GRK1: variants seen among roughly 807,000 people sequenced by gnomAD.
The protein encoded by GRK1 is G protein-coupled receptor kinase 1, also known as rhodopsin kinase GRK1.
A neutral mutation model predicts 41.7 loss-of-function variants in GRK1; 28 were observed. The ratio of observed to expected loss-of-function variants is 0.67; its 90% CI spans 0.50 to 0.92. The LOEUF (loss-of-function observed/expected upper bound fraction) is 0.92, where lower values mean the gene tolerates loss of function less well. Among genes scored for constraint, GRK1 ranks in the 40% least tolerant of loss-of-function variants. GRK1 has a pLI of 0.00. For synonymous variants in GRK1, 327 were observed against 286.7 expected, an observed-to-expected ratio of 1.14 and a Z score of -1.42; for missense variants, 703 against 671.2, an observed-to-expected ratio of 1.05 and a Z score of -0.52.
Position 113,731,331 on chromosome 13 carries a change from C to T in GRK1, c.1182C>T (p.Ala394=). The T allele has an allele frequency of 6.5e-7, 1 of 1,536,906 alleles. No individual in the cohort carries two copies. Among genetic ancestry groups the T allele is most frequent in the Non-Finnish European group, 8.7e-7 (1 of 1,146,832 alleles). The change falls in exon 5 of 7, where the codon GCC becomes GCT. Residue 394 remains alanine, a synonymous_variant. Transcript: ENST00000335678. The surrounding 1 kb of genome is among the most constrained non-coding windows in gnomAD (Gnocchi z 5.6). ...EMIAARGPFR[A]RGEKVENKEL... is the part of the protein sequence containing the mutation. The stretch of plus-strand genomic sequence containing the variant: ...TTGCGGCCAGAGGACCCTTCCGAGC[C>T]CGTGGAGAGAAGGTAGGAGGCGGCC...
chr13:113,663,668 C>G, upstream of GRK1, among the ~76,000 whole-genome samples: 1 of 152,148 alleles, frequency 6.6e-6, no homozygotes, highest in Non-Finnish European at 1.5e-5. Flanking sequence ...ACATTTCACC[C>G]AAGAGCACGC....
At chr13:113,733,484 TGC>T (rs934158120) in intron 6 of GRK1, among the ~76,000 whole-genome samples, 16 of 152,092 alleles carry the variant, frequency 1.1e-4, no homozygotes, top group East Asian at 1.9e-4. Flanking sequence ...AGATACTATG[TGC>T]GCGCGTGTGT....
At chr13:113,734,230 G>T (rs750638402) in intron 6 of GRK1, among the ~76,000 whole-genome samples, 1 of 152,202 alleles carries the variant, frequency 6.6e-6, no homozygotes, top group Non-Finnish European at 1.5e-5. Context: ...ACGAGAAGTC[G>T]CTTTCGTATG....
rs371779069 is a variant in GRK1, at chr13:113,735,279, G to C, written c.1608G>C (p.Ser536=). 19 of 1,535,322 alleles carry C rather than the reference G, an allele frequency of 1.2e-5. No individual in the cohort carries two copies. The highest frequency in any genetic ancestry group is 1.7e-5 in the Non-Finnish European group (19 of 1,145,786). ...GIFGELNVWR[S]DGQMPDDMKG... is the part of the protein sequence containing the mutation. ...TTGGCGAGCTGAACGTGTGGCGCTCGGACGGTCAGATGCCGGACGACATGA... is the reference window on the plus strand; with the variant it reads ...TTGGCGAGCTGAACGTGTGGCGCTCCGACGGTCAGATGCCGGACGACATGA... Residue 536 remains serine (S), a synonymous_variant, in exon 7 of 7, where the codon TCG becomes TCC. Transcript: ENST00000335678.
At chr13:113,723,987 T>C (rs752077797) in intron 4 of GRK1, among the ~76,000 whole-genome samples, 2 of 152,082 alleles carry the variant, frequency 1.3e-5, no homozygotes, top group Non-Finnish European at 2.9e-5. Flanking sequence ...CATGCCCGGG[T>C]CTCTGTGCAC....
At chr13:113,657,278 C>A in the GRK1 span, among the ~76,000 whole-genome samples, 4 of 152,240 alleles carry the variant, frequency 2.6e-5, no homozygotes, top group Non-Finnish European at 5.9e-5. Flanking sequence ...CGGCACCAGG[C>A]CAGCCAGTTC....
Position 113,667,962 on chromosome 13 carries a change from C to T in GRK1, c.576C>T (p.Asp192=), listed in dbSNP as rs748079712. ...CCATGGGGGAGGACTGGTTCCTGGA[C>T]TTCAGGGTCCTAGGGAAAGGGGGCT... The part of the protein sequence containing the change: ...AQPMGEDWFL[D]FRVLGKGGFG... The change falls in exon 1 of 7, where the codon GAC becomes GAT. Residue 192 remains aspartate, a synonymous_variant. Transcript: ENST00000335678. This position sits in a 1 kb window ranked among gnomAD's most constrained non-coding sequence, Gnocchi z 7.5. 6.2e-7 allele frequency: 1 copy of T among 1,610,506 alleles called. No homozygotes were observed. Among genetic ancestry groups the T allele is most frequent in the East Asian group, 2.2e-5 (1 of 44,792 alleles).
rs1021402118 is a variant in GRK1 at position 113,667,583 on chromosome 13, C to A, written c.197C>A (p.Pro66His). The A allele has an allele frequency of 6.2e-7, 1 of 1,613,578 alleles. No homozygotes were observed. Among genetic ancestry groups the A allele is most frequent in the Non-Finnish European group, 8.5e-7 (1 of 1,179,910 alleles). Residue 66 changes from proline to histidine, a missense_variant, in exon 1 of 7, where the codon CCC becomes CAC. Coordinates refer to ENST00000335678, the MANE Select transcript of GRK1 (RefSeq NM_002929.3). This position sits in a 1 kb window ranked among gnomAD's most constrained non-coding sequence, Gnocchi z 7.5. ...LEFESVCLEQPIGKKLFQQFL... is the reference protein window; with the variant it reads ...LEFESVCLEQHIGKKLFQQFL... ...TTTGAGAGTGTGTGCTTGGAGCAGCCCATCGGCAAGAAGCTCTTTCAGCAG... is the reference window on the plus strand; with the variant it reads ...TTTGAGAGTGTGTGCTTGGAGCAGCACATCGGCAAGAAGCTCTTTCAGCAG...
the GRK1 span, among the ~76,000 whole-genome samples, chr13:113,656,747 C>T: frequency 3.9e-5 from 6 of 152,258 alleles, no homozygotes; most frequent in East Asian, 5.8e-4. Flanking sequence ...TTATCCCAAA[C>T]GGAGGCCATG....
intron 4 of GRK1, among the ~76,000 whole-genome samples, chr13:113,725,349 G>C (rs1279426755): frequency 9.6e-5 from 10 of 104,066 alleles, no homozygotes; most frequent in Admixed American, 3.7e-4. Flanking sequence ...GGCGGGGCCG[G>C]TCATGCGCGG....
In GRK1 at chr13:113,737,091, G is replaced by A. The variant is rs1217130998; in HGVS notation, c.*1728G>A. 1 of 152,548 alleles carries A rather than the reference G, an allele frequency of 6.6e-6. No individual in the cohort carries two copies. Among genetic ancestry groups the A allele is most frequent in the Non-Finnish European group, 1.5e-5 (1 of 68,238 alleles). The allele number at this position is 152,548 out of a possible 1,614,324, so 9.4% of individuals were successfully genotyped here. A position where few individuals can be genotyped will look rare whatever the true frequency, so the allele number is the denominator to read the frequency against. The stretch of plus-strand genomic sequence containing the variant: ...GCTGCCAGGTCGTCCTCTTCCTGTT[G>A]GGGAGAAGAGGACCCTGGCAATCCA... On this transcript the variant is annotated 3_prime_UTR_variant, in exon 7 of 7. Transcript: ENST00000335678.
At chr13:113,662,557 A>C (rs1358186749), upstream of GRK1, among the ~76,000 whole-genome samples, 1 of 152,236 alleles carries the variant, frequency 6.6e-6, no homozygotes, top group African/African-American at 2.4e-5. Context: ...ATCTCAAAGA[A>C]TCCATAACAA....
At chr13:113,725,232 G>T (rs919669452) in intron 4 of GRK1, among the ~76,000 whole-genome samples, 14 of 152,276 alleles carry the variant, frequency 9.2e-5, no homozygotes, top group Non-Finnish European at 1.5e-4. Flanking sequence ...CCTGTCGGGG[G>T]ACTCCCCCTT....
the GRK1 span, chr13:113,651,541 C>T: frequency 9.4e-6 from 10 of 1,062,136 alleles, no homozygotes; most frequent in Admixed American, 3.6e-5. Context: ...TCGGTGTTTA[C>T]GTCTGGTTTA....
chr13:113,649,494 G>A, the GRK1 span: 4 of 1,550,396 alleles, frequency 2.6e-6, no homozygotes, highest in Admixed American at 1.9e-5. The surrounding 1 kb of genome is among the most constrained non-coding windows in gnomAD (Gnocchi z 4.7). Flanking sequence ...TCCTGGGGAT[G>A]TTGAGGAGCT....
Position 113,723,155 on chromosome 13 carries a change from C to T in GRK1, c.1067C>T (p.Pro356Leu), listed in dbSNP as rs576867290. ...QSKTKGYAGT[P>L]GFMAPELLQG... ...AAGACCAAGGGCTACGCAGGGACCC[C>T]AGGTAAGGGTCTGAGCGCAGCTGGG... is the stretch of plus-strand genomic sequence containing the variant. Residue 356 changes from proline to leucine, a missense_variant and splice_region_variant, in exon 4 of 7, where the codon CCA (proline) becomes CTA (leucine). Coordinates refer to ENST00000335678, the MANE Select transcript of GRK1 (RefSeq NM_002929.3). The T allele has an allele frequency of 1.4e-5, 10 of 700,844 alleles. No homozygotes were observed. The highest frequency in any genetic ancestry group is 2.6e-5 in the Non-Finnish European group (10 of 383,440). The allele number at this position is 700,844 out of a possible 1,614,324, so 43.4% of individuals were successfully genotyped here.
the GRK1 span, chr13:113,654,856 C>G: frequency 1.2e-6 from 2 of 1,613,988 alleles, no homozygotes; most frequent in East Asian, 2.2e-5. Context: ...GTGTACGGGT[C>G]CACTGTCTGC....
Position 113,735,403 on chromosome 13 carries a change from C to A in GRK1, c.*40C>A. ...TCCACGTGGAGGAAAAGGACCCATA[C>A]GGCTCGATGGGGGCCGCCTGCCTCC... On this transcript the variant is annotated 3_prime_UTR_variant, in exon 7 of 7. Coordinates refer to ENST00000335678, the MANE Select transcript of GRK1 (RefSeq NM_002929.3). 6.9e-7 allele frequency: 1 copy of A among 1,440,752 alleles called. No individual in the cohort carries two copies. The highest frequency in any genetic ancestry group is 9.1e-7 in the Non-Finnish European group (1 of 1,098,578). 89.2% of individuals were successfully genotyped at this position (1,440,752 alleles called of 1,614,324 possible). A position where few individuals can be genotyped will look rare whatever the true frequency, so the allele number is the denominator to read the frequency against.
chr13:113,666,939 GGCT>G (rs1214326094), upstream of GRK1, among the ~76,000 whole-genome samples: 1 of 152,196 alleles, frequency 6.6e-6, no homozygotes, highest in Non-Finnish European at 1.5e-5. Flanking sequence ...GCTTGAGCCT[GGCT>G]GCTGAAGCCA....
Sources: allele counts gnomAD v4.1 joint callset (sites outside exome capture counted in the v4.1 genomes callset), GRCh38; gene constraint gnomAD v4.1.1; non-coding constraint Gnocchi (gnomAD v3.1); transcripts MANE v1.5; gene names NCBI Gene and HGNC (gene_info 2026-07-23, HGNC 2026-07-21).